Variants in AGPAT5 observed in about 807,000 individuals in gnomAD.
The protein encoded by AGPAT5 is 1-acylglycerol-3-phosphate O-acyltransferase 5, also known as 1-acyl-sn-glycerol-3-phosphate acyltransferase epsilon.
In AGPAT5, 46 loss-of-function variants were observed where a neutral mutation model predicts 45.6. The observed-to-expected ratio is 1.01, with a 90% CI of 0.80 to 1.29. The LOEUF is 1.29. AGPAT5 is among the 50% of genes most tolerant of loss of function. AGPAT5 has a pLI of 0.00. For synonymous variants in AGPAT5, 272 were observed against 167.0 expected (o/e 1.63, Z -4.85); for missense variants, 673 against 450.7 (o/e 1.49, Z -4.47).
chr8:6,717,698 G>A (rs929912109), intron 1 of AGPAT5, among the ~76,000 whole-genome samples: 45 of 152,196 alleles, frequency 3.0e-4, no homozygotes, highest in Admixed American at 1.8e-3. Flanking sequence ...TGGATGTAAC[G>A]TAGTTAACGC....
rs1214356470 is a variant in AGPAT5 at position 6,757,280 on chromosome 8, T to C, written c.987T>C (p.Ser329=). ...CTTTACCATCAATGTTGATCTTAAG[T>C]GGTTTGACTGCAGGCATGCTTATGA... ...KKTLPSMLIL[S]GLTAGMLMTD... Residue 329 remains serine, a synonymous_variant, in exon 8 of 8, where the codon AGT becomes AGC. Coordinates refer to ENST00000285518, the MANE Select transcript of AGPAT5 (RefSeq NM_018361.5). 3.7e-6 allele frequency: 6 copies of C among 1,614,204 alleles called. No homozygotes were observed. Among genetic ancestry groups the C allele is most frequent in the East Asian group, 2.2e-5 (1 of 44,886 alleles).
intron 4 of AGPAT5, among the ~76,000 whole-genome samples, chr8:6,740,289 A>G (rs1801203741): frequency 6.6e-6 from 1 of 151,958 alleles, no homozygotes; most frequent in South Asian, 2.1e-4. Context: ...ACTGTTACAA[A>G]ACACATTTTC....
At chr8:6,729,678 C>T (rs780284640) in intron 2 of AGPAT5, among the ~76,000 whole-genome samples, 1 of 152,184 alleles carries the variant, frequency 6.6e-6, no homozygotes, top group Non-Finnish European at 1.5e-5. Flanking sequence ...CCCACTTTGC[C>T]ACTTCCTGTT....
At chr8:6,720,867 C>T (rs1421473399) in intron 1 of AGPAT5, among the ~76,000 whole-genome samples, 1 of 152,174 alleles carries the variant, frequency 6.6e-6, no homozygotes, top group Non-Finnish European at 1.5e-5. Flanking sequence ...TCATTGATCT[C>T]ATTGAATGCA....
chr8:6,759,972 C>A lies in AGPAT5; in HGVS notation c.*2584C>A, dbSNP rs920072529. Among the ~76,000 whole-genome samples, 4 of 152,156 alleles carry A rather than the reference C, an allele frequency of 2.6e-5. No homozygotes were observed. The highest frequency in any genetic ancestry group is 9.7e-5 in the African/African-American group (4 of 41,432). ...TTAACTAAGTTGGTGAATAAAAGTG[C>A]CGATCTGGCTAACTCTTACACCATA... On this transcript the variant is annotated 3_prime_UTR_variant, in exon 8 of 8. Transcript: ENST00000285518.
rs1800024403 is a variant in AGPAT5 at position 6,708,753 on chromosome 8, G to A, written c.85G>A (p.Val29Met). The change falls in exon 1 of 8, where the codon GTG becomes ATG. Residue 29 changes from valine (V) to methionine (M), a missense_variant. Val to Met is a conservative substitution (Grantham distance 21). Transcript: ENST00000285518. ...GCTCCTGGGCACGGCGCCCACCTAC[G>A]TGTTGGCCTGGGGGGTCTGGCGGCT... ...VVLLGTAPTY[V>M]LAWGVWRLLS... 1 of 1,608,542 alleles carries A rather than the reference G, an allele frequency of 6.2e-7. No homozygotes were observed. The highest frequency in any genetic ancestry group is 8.5e-7 in the Non-Finnish European group (1 of 1,179,712).
At chr8:6,715,389 A>C (rs1294585016) in intron 1 of AGPAT5, among the ~76,000 whole-genome samples, 4 of 152,132 alleles carry the variant, frequency 2.6e-5, no homozygotes, top group Non-Finnish European at 2.9e-5. Context: ...TTCCAAATCT[A>C]TTTTAGTGGT....
chr8:6,738,959 T>C (rs892283370), intron 4 of AGPAT5, among the ~76,000 whole-genome samples: 1 of 152,120 alleles, frequency 6.6e-6, no homozygotes, highest in Non-Finnish European at 1.5e-5. Context: ...TGCTTTTACA[T>C]TTAGTTCTAG....
chr8:6,716,275 G>T (rs140912891), intron 1 of AGPAT5, among the ~76,000 whole-genome samples: 1 of 152,118 alleles, frequency 6.6e-6, no homozygotes, highest in Admixed American at 6.5e-5. Context: ...TGGTGGAGTA[G>T]TCTGGGCACG....
rs1280535853 is a variant in AGPAT5, at chr8:6,758,566, T to G, written c.*1178T>G. 3 of 152,332 alleles carry G rather than the reference T, an allele frequency of 2.0e-5. No individual in the cohort carries two copies. The highest frequency in any genetic ancestry group is 4.4e-5 in the Non-Finnish European group (3 of 68,054). The allele number at this position is 152,332 out of a possible 1,614,324, so 9.4% of individuals were successfully genotyped here. A position where few individuals can be genotyped will look rare whatever the true frequency, so the allele number is the denominator to read the frequency against. ...CTACTGCAGAGGCATTTTGCATTTG[T>G]CTGTGTCAAGAAGTTCACCTTCTCA... On this transcript the variant is annotated 3_prime_UTR_variant, in exon 8 of 8. Transcript: ENST00000285518.
At chr8:6,731,066 C>T (rs372080977) in intron 3 of AGPAT5, among the ~76,000 whole-genome samples, 18 of 151,932 alleles carry the variant, frequency 1.2e-4, no homozygotes, top group South Asian at 8.4e-4. Flanking sequence ...ATGGGGGTCT[C>T]GCTGTGTTGC....
intron 1 of AGPAT5, among the ~76,000 whole-genome samples, chr8:6,720,693 G>A (rs1164601556): frequency 2.0e-5 from 3 of 152,212 alleles, no homozygotes; most frequent in Non-Finnish European, 4.4e-5. Flanking sequence ...ATCCAGTACA[G>A]AGGGTGGCCT....
intron 6 of AGPAT5, among the ~76,000 whole-genome samples, chr8:6,753,057 G>A (rs1189941657): frequency 6.6e-6 from 1 of 152,154 alleles, no homozygotes; most frequent in Non-Finnish European, 1.5e-5. Flanking sequence ...TGCCTGCGTA[G>A]AATTGCAGAG....
intron 1 of AGPAT5, among the ~76,000 whole-genome samples, chr8:6,719,717 T>C (rs3780085): frequency 0.015 from 2,321 of 152,282 alleles, 71 homozygotes; most frequent in East Asian, 0.12. Flanking sequence ...AATTCATTAT[T>C]TACATTTTCA....
intron 1 of AGPAT5, among the ~76,000 whole-genome samples, chr8:6,717,728 A>G (rs1435764268): frequency 6.6e-6 from 1 of 152,256 alleles, no homozygotes; most frequent in Non-Finnish European, 1.5e-5. Context: ...GTGCACTTAC[A>G]TATTGCATTG....
Position 6,720,126 on chromosome 8 carries a change from C to G in AGPAT5, c.220-4744C>G, listed in dbSNP as rs1800453416. ...AAGAAGTGCTAGAAAATGAGACAGA[C>G]TTCCAGTACATTCTGGAGAAAGCCC... On this transcript the variant is annotated intron_variant, in intron 1 of 7. Coordinates refer to ENST00000285518, the MANE Select transcript of AGPAT5 (RefSeq NM_018361.5). Among the ~76,000 whole-genome samples the G allele has an allele frequency of 1.3e-5, 2 of 152,144 alleles. 1 individual carries two copies. The highest frequency in any genetic ancestry group is 4.1e-4 in the South Asian group (2 of 4,830).
chr8:6,747,863 C>A (rs748251333), intron 6 of AGPAT5, 35 bp downstream of exon 6: 1 of 1,601,832 alleles, frequency 6.2e-7, no homozygotes, highest in Non-Finnish European at 8.5e-7. Context: ...TGCCTGTACA[C>A]GGTATATACA....
chr8:6,714,281 G>A (rs888271252), intron 1 of AGPAT5, among the ~76,000 whole-genome samples: 1 of 152,060 alleles, frequency 6.6e-6, no homozygotes, highest in African/African-American at 2.4e-5. Flanking sequence ...GACTGTGTAG[G>A]TGTGGGTGTG....
At chr8:6,716,422 ATGG>A (rs1563282607) in intron 1 of AGPAT5, among the ~76,000 whole-genome samples, 1 of 152,022 alleles carries the variant, frequency 6.6e-6, no homozygotes, top group Admixed American at 6.5e-5. Context: ...CTTACTGGGC[ATGG>A]TGGTGTGTGC....
Sources: gnomAD v4.1 joint callset for allele counts (sites outside exome capture counted in the v4.1 genomes callset) on GRCh38, gnomAD v4.1.1 for gene constraint, MANE v1.5 for transcripts, NCBI Gene and HGNC (gene_info 2026-07-23, HGNC 2026-07-21) for gene names.